Variants in BASP1 observed in about 807,000 individuals in gnomAD.
BASP1 encodes the protein brain acid soluble protein 1.
Under a neutral mutation model 2.2 loss-of-function variants are expected in BASP1, and 1 was observed. The ratio of observed to expected loss-of-function variants is 0.46; its 90% CI spans 0.16 to 2.17. BASP1 has a LOEUF of 2.17. Among genes scored for constraint, BASP1 ranks in the 30% most tolerant of loss-of-function variants. The probability of loss-of-function intolerance (pLI) is 0.27; values close to 1 mark genes in which losing one functional copy is unlikely to be tolerated. For synonymous variants in BASP1, 187 were observed against 154.2 expected, an observed-to-expected ratio of 1.21 and a Z score of -1.58; for missense variants, 352 against 327.2, an observed-to-expected ratio of 1.08 and a Z score of -0.58.
chr5:17,219,086 G>A (rs1350709687), intron 1 of BASP1, among the ~76,000 whole-genome samples: 2 of 152,056 alleles, frequency 1.3e-5, no homozygotes, highest in East Asian at 3.9e-4. Context: ...TCTGCTATAG[G>A]GTTGTGGACC....
At chr5:17,235,541 C>T (rs958091569) in intron 1 of BASP1, among the ~76,000 whole-genome samples, 1 of 152,120 alleles carries the variant, frequency 6.6e-6, no homozygotes, top group Non-Finnish European at 1.5e-5. Flanking sequence ...GGATTACAGG[C>T]GTGAGCCACC....
At chr5:17,272,275 C>T (rs1165117277) in intron 1 of BASP1, among the ~76,000 whole-genome samples, 1 of 152,060 alleles carries the variant, frequency 6.6e-6, no homozygotes, top group Admixed American at 6.6e-5. Flanking sequence ...CCTTGTAACC[C>T]AGGCGCATAA....
intron 1 of BASP1, among the ~76,000 whole-genome samples, chr5:17,241,098 C>CTT (rs1168059951): frequency 7.8e-5 from 11 of 140,778 alleles, no homozygotes; most frequent in East Asian, 2.0e-4. Context: ...TGACATTTTC[C>CTT]TTTTTTTTTT....
upstream of BASP1, chr5:17,217,512 CG>C (rs1435345008): frequency 2.0e-5 from 1 of 50,960 alleles, no homozygotes; most frequent in Non-Finnish European, 3.7e-5. Flanking sequence ...GAGAGGCGGG[CG>C]GGGAGCGCGG....
At chr5:17,230,925 T>C (rs1470763360) in intron 1 of BASP1, among the ~76,000 whole-genome samples, 1 of 152,196 alleles carries the variant, frequency 6.6e-6, no homozygotes, top group African/African-American at 2.4e-5. Context: ...ATTCAGTTAT[T>C]GCTTTCCTGG....
At chr5:17,241,099 T>C (rs1280530650) in intron 1 of BASP1, among the ~76,000 whole-genome samples, 2 of 135,680 alleles carry the variant, frequency 1.5e-5, no homozygotes, top group Non-Finnish European at 3.1e-5. Context: ...GACATTTTCC[T>C]TTTTTTTTTT....
At position 17,250,851 on chromosome 5, in the gene BASP1, G is replaced by A. The variant is rs538331395; in HGVS notation, c.-9-24357G>A. Among the ~76,000 whole-genome samples the A allele has an allele frequency of 1.1e-3, 173 of 152,254 alleles. No individual in the cohort carries two copies. In the South Asian group the frequency reaches 0.018, roughly 16 times the overall value. On this transcript the variant is annotated intron_variant, in intron 1 of 1. Transcript: ENST00000322611. The stretch of plus-strand genomic sequence containing the variant: ...GATCTACTGACCTCGTGATCCGCCC[G>A]CCTCGGCCTCCCAAAGTGCTGGGAT...
chr5:17,239,990 C>T (rs2126499515), intron 1 of BASP1, among the ~76,000 whole-genome samples: 1 of 152,122 alleles, frequency 6.6e-6, no homozygotes, highest in East Asian at 1.9e-4. Flanking sequence ...CACCAAAATT[C>T]CTACGTTGGA....
chr5:17,258,317 A>G (rs537827215), intron 1 of BASP1, among the ~76,000 whole-genome samples: 1 of 152,304 alleles, frequency 6.6e-6, no homozygotes, highest in South Asian at 2.1e-4. Flanking sequence ...TTCATGTTTC[A>G]GGTTTTACAG....
chr5:17,237,260 C>G (rs542467617), intron 1 of BASP1, among the ~76,000 whole-genome samples: 62 of 152,180 alleles, frequency 4.1e-4, no homozygotes, highest in African/African-American at 1.4e-3. Flanking sequence ...AGGAGAATGG[C>G]GTGAACCCGG....
intron 1 of BASP1, among the ~76,000 whole-genome samples, chr5:17,234,609 A>T (rs1561166927): frequency 6.6e-6 from 1 of 152,260 alleles, no homozygotes; most frequent in East Asian, 1.9e-4. Context: ...ACGTGGGAAC[A>T]TACAAACCAC....
chr5:17,255,589 C>T lies in BASP1; in HGVS notation c.-9-19619C>T, dbSNP rs185000806. The stretch of plus-strand genomic sequence containing the variant: ...TGGTGTCGATCAGGAAGTGTTGCAA[C>T]GTGTAACACATCACTCACCACTCTT... On this transcript the variant is annotated intron_variant, in intron 1 of 1. Coordinates refer to ENST00000322611, the MANE Select transcript of BASP1 (RefSeq NM_006317.5). Among the ~76,000 whole-genome samples, 581 of 152,218 alleles carry T rather than the reference C, an allele frequency of 3.8e-3. 1 individual carries two copies. Among genetic ancestry groups the T allele is most frequent in the Non-Finnish European group, 6.2e-3 (419 of 68,024 alleles).
chr5:17,218,148 C>A (rs370629000), intron 1 of BASP1, among the ~76,000 whole-genome samples: 6 of 151,842 alleles, frequency 4.0e-5, no homozygotes, highest in Non-Finnish European at 8.8e-5. Context: ...GAATGCGAAA[C>A]CCCCTCAGTG....
chr5:17,233,239 A>C (rs987947834), intron 1 of BASP1, among the ~76,000 whole-genome samples: 1 of 152,222 alleles, frequency 6.6e-6, no homozygotes, highest in African/African-American at 2.4e-5. Context: ...GTTGAAATAT[A>C]AGATATTCTC....
intron 1 of BASP1, among the ~76,000 whole-genome samples, chr5:17,228,967 G>A (rs1332721414): frequency 1.3e-5 from 2 of 152,116 alleles, no homozygotes; most frequent in Non-Finnish European, 2.9e-5. Flanking sequence ...TTTGAGTTGA[G>A]TGTGCTTCCT....
intron 1 of BASP1, among the ~76,000 whole-genome samples, chr5:17,264,568 T>C (rs1740378827): frequency 6.6e-6 from 1 of 152,234 alleles, no homozygotes; most frequent in African/African-American, 2.4e-5. Flanking sequence ...CTTGAAACTT[T>C]GATTCATTCC....
chr5:17,225,594 G>A (rs956306101), intron 1 of BASP1, among the ~76,000 whole-genome samples: 4 of 152,330 alleles, frequency 2.6e-5, no homozygotes, highest in African/African-American at 9.6e-5. Flanking sequence ...CTGGGAAGCT[G>A]GCGATGGTGG....
chr5:17,219,438 G>T (rs1739349829), intron 1 of BASP1, among the ~76,000 whole-genome samples: 2 of 152,214 alleles, frequency 1.3e-5, no homozygotes, highest in Non-Finnish European at 2.9e-5. Context: ...CCAAAATTAA[G>T]ATTTGCCTTG....
chr5:17,221,385 T>A (rs1000691247), intron 1 of BASP1, among the ~76,000 whole-genome samples: 70 of 142,960 alleles, frequency 4.9e-4, no homozygotes, highest in African/African-American at 1.4e-3. Context: ...TTTTTTTTTT[T>A]AAATATCCAA....
Sources: gnomAD v4.1 joint callset for allele counts (sites outside exome capture counted in the v4.1 genomes callset) on GRCh38, gnomAD v4.1.1 for gene constraint, MANE v1.5 for transcripts, NCBI Gene and HGNC (gene_info 2026-07-23, HGNC 2026-07-21) for gene names.